SLFN11: variants seen among roughly 807,000 people sequenced by gnomAD.
SLFN11 encodes schlafen family member 11.
In SLFN11, 43 loss-of-function variants were observed where a neutral mutation model predicts 53.4. The ratio of observed to expected loss-of-function variants is 0.80; its 90% CI spans 0.63 to 1.04. The LOEUF (loss-of-function observed/expected upper bound fraction) is 1.04, where lower values mean the gene tolerates loss of function less well. SLFN11 is among the 50% of genes least tolerant of loss of function. The pLI, the probability that SLFN11 is intolerant of heterozygous loss-of-function variation, is 0.00. For synonymous variants in SLFN11, 389 were observed against 394.7 expected, an observed-to-expected ratio of 0.99 and a Z score of 0.17; for missense variants, 990 against 1,079.1, an observed-to-expected ratio of 0.92 and a Z score of 1.16.
At chr17:35,353,229 T>TA in intron 6 of SLFN11, 90 bp from the exon 7 acceptor site, 23 of 1,598,188 alleles carry the variant, frequency 1.4e-5, no homozygotes, top group Non-Finnish European at 2.0e-5. Context: ...CACAGTACAT[T>TA]ACCACAGATC....
intron 5 of SLFN11, among the ~76,000 whole-genome samples, chr17:35,356,339 AAAATG>A (rs1429786116): frequency 8.5e-5 from 13 of 152,264 alleles, no homozygotes; most frequent in Admixed American, 5.9e-4. Flanking sequence ...CAGTGTTCCA[AAAATG>A]AAAATTGTCT....
At chr17:35,368,177 C>G (rs1385516342) in intron 1 of SLFN11, among the ~76,000 whole-genome samples, 1 of 152,014 alleles carries the variant, frequency 6.6e-6, no homozygotes, top group East Asian at 1.9e-4. Context: ...CCACCCATCT[C>G]CCCTAGATCA....
intron 1 of SLFN11, among the ~76,000 whole-genome samples, chr17:35,372,972 G>A (rs2142003213): frequency 6.6e-6 from 1 of 152,068 alleles, no homozygotes; most frequent in African/African-American, 2.4e-5. Context: ...CAGGGCAATG[G>A]CAATTCTAAT....
At position 35,353,749 on chromosome 17, in the gene SLFN11, G is replaced by A. The variant is rs756164752; in HGVS notation, c.1509C>T (p.Gly503=). 4.8e-5 allele frequency: 73 copies of A among 1,517,412 alleles called. No individual in the cohort carries two copies. Among genetic ancestry groups the A allele is most frequent in the Non-Finnish European group, 6.3e-5 (71 of 1,126,596 alleles). The allele number at this position is 1,517,412 out of a possible 1,614,324, so 94.0% of individuals were successfully genotyped here. The change falls in exon 6 of 7, where the codon GGC becomes GGT. Residue 503 remains glycine (G), a synonymous_variant. Coordinates refer to ENST00000685675, the MANE Select transcript of SLFN11 (RefSeq NM_001376007.1). The part of the protein sequence containing the change: ...TLKQKLVNMG[G]YTGKVCVRAK... ...CCCTGACACACACCTTCCCGGTGTA[G>A]CCCCCCATGTTCACTAGCTTCTGCT...
intron 6 of SLFN11, 77 bp downstream of exon 6, chr17:35,353,259 A>G: frequency 6.2e-7 from 1 of 1,605,906 alleles, no homozygotes; most frequent in Non-Finnish European, 8.5e-7. Flanking sequence ...CTCAATTCTC[A>G]AGAAAGACGG....
chr17:35,364,171 G>A lies in SLFN11; in HGVS notation c.-19-345C>T, dbSNP rs530385149. Among the ~76,000 whole-genome samples, 246 of 152,258 alleles carry A rather than the reference G, an allele frequency of 1.6e-3. 1 individual carries two copies. Among genetic ancestry groups the A allele is most frequent in the Non-Finnish European group, 2.4e-3 (165 of 68,016 alleles). ...TTATCAGCATTGAAGAATGGAAGCAGTGGAGCGCATGAAGGGCATGTGTAC... is the reference window on the plus strand; with the variant it reads ...TTATCAGCATTGAAGAATGGAAGCAATGGAGCGCATGAAGGGCATGTGTAC... On this transcript the variant is annotated intron_variant, in intron 3 of 6. Coordinates refer to ENST00000685675, the MANE Select transcript of SLFN11 (RefSeq NM_001376007.1).
chr17:35,353,202 T>C, intron 6 of SLFN11, 63 bp from the exon 7 acceptor site: 1 of 1,591,434 alleles, frequency 6.3e-7, no homozygotes, highest in Non-Finnish European at 8.6e-7. Context: ...AAAATAATTG[T>C]ATCATGTTCC....
chr17:35,372,887 C>G (rs1312952439), intron 1 of SLFN11, among the ~76,000 whole-genome samples: 1 of 152,070 alleles, frequency 6.6e-6, no homozygotes, highest in Non-Finnish European at 1.5e-5. Flanking sequence ...TGGGGTAGCA[C>G]GTGTATTCTA....
chr17:35,358,110 C>G (rs1247761328), intron 5 of SLFN11, among the ~76,000 whole-genome samples: 7 of 150,568 alleles, frequency 4.6e-5, no homozygotes, highest in Admixed American at 4.6e-4. Flanking sequence ...GTAACATTCC[C>G]TGATTCACTT....
At position 35,363,936 on chromosome 17, in the gene SLFN11, G is replaced by A. The variant is rs754117443; in HGVS notation, c.-19-110C>T. ...GACAATAGACTAGCAAGCAAGACAG[G>A]AGCAATCCCTTCTCTTTAGGAGAAG... On this transcript the variant is annotated intron_variant, in intron 3 of 6. Coordinates refer to ENST00000685675, the MANE Select transcript of SLFN11 (RefSeq NM_001376007.1). 4.2e-4 allele frequency: 334 copies of A among 804,078 alleles called. 5 individuals carry two copies. Among genetic ancestry groups the A allele is most frequent in the Non-Finnish European group, 4.6e-4 (246 of 533,692 alleles). 49.8% of individuals were successfully genotyped at this position (804,078 alleles called of 1,614,324 possible).
intron 1 of SLFN11, among the ~76,000 whole-genome samples, chr17:35,370,026 A>C (rs1476437804): frequency 1.3e-5 from 2 of 152,180 alleles, no homozygotes; most frequent in South Asian, 4.1e-4. Context: ...GGCCAGTATT[A>C]CTGATACCAA....
Position 35,350,339 on chromosome 17 carries a change from T to G in SLFN11, c.*2017A>C, listed in dbSNP as rs1025715344. On this transcript the variant is annotated 3_prime_UTR_variant, in exon 7 of 7. Coordinates refer to ENST00000685675, the MANE Select transcript of SLFN11 (RefSeq NM_001376007.1). ...GTTTAATGAGACACAAACTCTCAAC[T>G]TTTTATTTAAAACAGAAATGCAGTA... 2 of 152,204 alleles carry G rather than the reference T, an allele frequency of 1.3e-5. No homozygotes were observed. The highest frequency in any genetic ancestry group is 4.8e-5 in the African/African-American group (2 of 41,450). 9.4% of individuals were successfully genotyped at this position (152,204 alleles called of 1,614,324 possible).
Position 35,363,261 on chromosome 17 carries a change from C to T in SLFN11, c.547G>A (p.Ala183Thr). The T allele has an allele frequency of 6.2e-7, 1 of 1,614,050 alleles. No individual in the cohort carries two copies. The highest frequency in any genetic ancestry group is 8.5e-7 in the Non-Finnish European group (1 of 1,180,000). ...VYQELPNSDP[A>T]DPNSDPADLI... is the part of the protein sequence containing the mutation. The stretch of plus-strand genomic sequence containing the variant: ...TCAGCAGGATCCGAGTTTGGGTCAG[C>T]AGGATCCGAGTTAGGGAGCTCTTGG... Residue 183 changes from alanine to threonine, a missense_variant, in exon 4 of 7, where the codon GCT (alanine) becomes ACT (threonine). Physicochemically the swap from Ala to Thr is moderately conservative, Grantham distance 58 (BLOSUM62 0). Around this residue, in one of 3 missense-constraint regions of SLFN11, gnomAD observed 521 missense variants for 516.2 expected, o/e 1.01. Coordinates refer to ENST00000685675, the MANE Select transcript of SLFN11 (RefSeq NM_001376007.1).
At chr17:35,360,050 C>A in intron 5 of SLFN11, 193 bp downstream of exon 5, 1 of 529,824 alleles carries the variant, frequency 1.9e-6, no homozygotes, top group Non-Finnish European at 3.3e-6. Context: ...TATGTGTGGT[C>A]CTGCCTTAGC....
chr17:35,368,210 T>C (rs772239905), intron 1 of SLFN11, among the ~76,000 whole-genome samples: 4 of 151,888 alleles, frequency 2.6e-5, no homozygotes, highest in Admixed American at 6.6e-5. Flanking sequence ...TAGCCTCAGA[T>C]AGAAACTGAA....
At chr17:35,371,426 G>GCAA (rs750749926) in intron 1 of SLFN11, among the ~76,000 whole-genome samples, 21 of 152,092 alleles carry the variant, frequency 1.4e-4, no homozygotes, top group Non-Finnish European at 2.5e-4. Flanking sequence ...AATTCATTGA[G>GCAA]CAATACCCCA....
intron 4 of SLFN11, among the ~76,000 whole-genome samples, chr17:35,361,182 A>G (rs929766799): frequency 1.3e-5 from 2 of 152,112 alleles, no homozygotes; most frequent in Non-Finnish European, 2.9e-5. Flanking sequence ...AGACACTGAG[A>G]TAGCCCACTA....
intron 5 of SLFN11, among the ~76,000 whole-genome samples, chr17:35,359,000 A>G (rs2141951560): frequency 6.6e-6 from 1 of 152,252 alleles, no homozygotes; most frequent in African/African-American, 2.4e-5. Flanking sequence ...CCTGGGTGAC[A>G]GAGCAAGATC....
At position 35,352,973 on chromosome 17, in the gene SLFN11, T is replaced by C. The variant is rs1597696604; in HGVS notation, c.2089A>G (p.Ile697Val). The change falls in exon 7 of 7, where the codon ATT becomes GTT. Residue 697 changes from isoleucine to valine, a missense_variant. Transcript: ENST00000685675. ...AAGTAATCCAGAAAGATCCAGAGAA[T>C]TCCTGGGCCACCCTTTGCTCTCCGA... is the stretch of plus-strand genomic sequence containing the variant. ...ITRRAKGGPG[I>V]LWIFLDYFQT... 4 of 1,614,196 alleles carry C rather than the reference T, an allele frequency of 2.5e-6. No individual in the cohort carries two copies. The highest frequency in any genetic ancestry group is 3.4e-6 in the Non-Finnish European group (4 of 1,180,040).
Sources: gnomAD v4.1 joint callset for allele counts (sites outside exome capture counted in the v4.1 genomes callset) on GRCh38, gnomAD v4.1.1 for gene constraint, gnomAD v4.1.1 regional missense constraint, MANE v1.5 for transcripts, NCBI Gene and HGNC (gene_info 2026-07-23, HGNC 2026-07-21) for gene names.